Variants in FARP2 observed in about 807,000 individuals in gnomAD.
The protein encoded by FARP2 is FERM, ARHGEF and pleckstrin domain-containing protein 2.
FARP2 carries 111 observed loss-of-function variants against 130.5 expected under a neutral mutation model. The observed-to-expected ratio is 0.85, with a 90% CI of 0.73 to 1.00. FARP2 has a LOEUF of 1.00. Ranked by LOEUF, FARP2 falls within the 50% of genes least tolerant of loss-of-function variation. FARP2 has a pLI of 0.00. For missense variants in FARP2, 1,385 were observed against 1,346.3 expected, an observed-to-expected ratio of 1.03 and a Z score of -0.45; for synonymous variants, 504 against 516.9, an observed-to-expected ratio of 0.98 and a Z score of 0.34.
intron 19 of FARP2, among the ~76,000 whole-genome samples, chr2:241,476,550 A>G (rs2064470946): frequency 6.6e-6 from 1 of 152,110 alleles, no homozygotes; most frequent in Non-Finnish European, 1.5e-5. Context: ...TTAGCAGGGC[A>G]TGGTGGCACA....
At chr2:241,359,223 G>T (rs1194398140) in intron 1 of FARP2, among the ~76,000 whole-genome samples, 2 of 152,174 alleles carry the variant, frequency 1.3e-5, no homozygotes, top group Non-Finnish European at 2.9e-5. Flanking sequence ...TAAGAGTCAT[G>T]AATTGTTTTC....
intron 21 of FARP2, chr2:241,489,256 T>G (rs1195830794): frequency 2.6e-5 from 4 of 152,282 alleles, no homozygotes; most frequent in East Asian, 1.9e-4. Flanking sequence ...CGTTCCTGAC[T>G]GTTAAGGGAA....
At chr2:241,404,752 G>C in intron 3 of FARP2, 47 bp from the exon 4 acceptor site, 1 of 1,402,112 alleles carries the variant, frequency 7.1e-7, no homozygotes, top group Non-Finnish European at 1.0e-6. Flanking sequence ...TTGTTAAATA[G>C]AGACATTATT....
At chr2:241,425,517 A>G (rs1429047592) in intron 8 of FARP2, among the ~76,000 whole-genome samples, 1 of 151,824 alleles carries the variant, frequency 6.6e-6, no homozygotes, top group Non-Finnish European at 1.5e-5. Flanking sequence ...GCCTGGAACT[A>G]TTCCGTAGCA....
intron 21 of FARP2, among the ~76,000 whole-genome samples, chr2:241,485,607 C>G: frequency 6.8e-6 from 1 of 146,712 alleles, no homozygotes; most frequent in East Asian, 2.1e-4. Context: ...CCCTGTAGTC[C>G]TCTCTCCCTG....
intron 1 of FARP2, among the ~76,000 whole-genome samples, chr2:241,360,194 CAGAAT>C (rs1324948352): frequency 6.6e-6 from 1 of 152,094 alleles, no homozygotes; most frequent in Non-Finnish European, 1.5e-5. Context: ...TTGCCTGAAA[CAGAAT>C]AGAGCTCAAT....
chr2:241,439,521 G>C (rs1483729047), intron 12 of FARP2, among the ~76,000 whole-genome samples: 1 of 152,008 alleles, frequency 6.6e-6, no homozygotes, highest in African/African-American at 2.4e-5. Context: ...TGGAGAGACA[G>C]GGTTTCACCG....
intron 19 of FARP2, among the ~76,000 whole-genome samples, chr2:241,479,717 G>A (rs143928083): frequency 4.5e-4 from 67 of 150,246 alleles, no homozygotes; most frequent in African/African-American, 1.4e-3. Context: ...TGTTCAACCC[G>A]TTAGCGTGAG....
rs558112467 is a variant in FARP2, at chr2:241,483,317, CCATTGGGAGGCTCCACTAGAGGACCCT to C, written c.2263-137_2263-111del. On this transcript the variant is annotated intron_variant, in intron 19 of 26. Transcript: ENST00000264042. Reference sequence around the variant, plus strand: ...GGGCACTGCTGAGGGTAGAGGAGCCCCATTGGGAGGCTCCACTAGAGGACCCTCATTGGGAGGAGCCAGAGGAGCACA... The same window carrying C: ...GGGCACTGCTGAGGGTAGAGGAGCCCCATTGGGAGGAGCCAGAGGAGCACA... 76 of 677,480 alleles carry C rather than the reference CCATTGGGAGGCTCCACTAGAGGACCCT, an allele frequency of 1.1e-4. No homozygotes were observed. The African/African-American group carries it at 1.3e-3, about 11-fold the overall frequency. 42.0% of individuals were successfully genotyped at this position (677,480 alleles called of 1,614,324 possible).
At chr2:241,393,712 G>A (rs1348368972) in intron 2 of FARP2, among the ~76,000 whole-genome samples, 2 of 152,174 alleles carry the variant, frequency 1.3e-5, no homozygotes, top group East Asian at 3.8e-4. Context: ...TTCCCACAGA[G>A]CTTAAGACAA....
chr2:241,453,776 T>TG (rs2063755505), intron 13 of FARP2, among the ~76,000 whole-genome samples: 1 of 78,962 alleles, frequency 1.3e-5, no homozygotes, highest in African/African-American at 4.9e-5. Context: ...CTGGTTTTTT[T>TG]TTTTTTTTTT....
intron 1 of FARP2, among the ~76,000 whole-genome samples, chr2:241,361,658 A>G (rs1477872427): frequency 6.6e-6 from 1 of 152,178 alleles, no homozygotes; most frequent in African/African-American, 2.4e-5. Flanking sequence ...GTGAGGGCCC[A>G]GAAACCTGAG....
chr2:241,400,329 C>T (rs1365804357), intron 2 of FARP2, among the ~76,000 whole-genome samples: 2 of 152,150 alleles, frequency 1.3e-5, no homozygotes, highest in African/African-American at 2.4e-5. Context: ...GTGGACAGTC[C>T]GGGAATCTGG....
chr2:241,435,780 G>A (rs2063212005), intron 11 of FARP2, among the ~76,000 whole-genome samples: 1 of 151,316 alleles, frequency 6.6e-6, no homozygotes, highest in Admixed American at 6.6e-5. Flanking sequence ...CAAAGTGCTG[G>A]GATTACAGGT....
chr2:241,423,523 A>G (rs945911825), intron 8 of FARP2, among the ~76,000 whole-genome samples: 1 of 152,254 alleles, frequency 6.6e-6, no homozygotes, highest in Non-Finnish European at 1.5e-5. Context: ...AAATACATAG[A>G]CCAGTGACAC....
intron 13 of FARP2, among the ~76,000 whole-genome samples, chr2:241,448,550 A>C (rs1238211398): frequency 6.6e-6 from 1 of 152,248 alleles, no homozygotes; most frequent in Non-Finnish European, 1.5e-5. Context: ...TTTTGGACAC[A>C]ATGTATTAGA....
In FARP2 at chr2:241,491,014, T is replaced by C. The variant is rs768180226; in HGVS notation, c.2505-47T>C. ...CGCCCTCCCTTGAGGGCTGGGGCCC[T>C]ACACAAGGAAGAGCAGAGCCACTGA... On this transcript the variant is annotated intron_variant, in intron 22 of 26. Transcript: ENST00000264042. The C allele has an allele frequency of 2.7e-6, 4 of 1,464,174 alleles. No individual in the cohort carries two copies. In the East Asian group the frequency reaches 9.1e-5, roughly 33 times the overall value. 90.7% of individuals were successfully genotyped at this position (1,464,174 alleles called of 1,614,324 possible). A position where few individuals can be genotyped will look rare whatever the true frequency, so the allele number is the denominator to read the frequency against.
At chr2:241,387,949 C>T (rs1211264706) in intron 2 of FARP2, among the ~76,000 whole-genome samples, 1 of 151,906 alleles carries the variant, frequency 6.6e-6, no homozygotes, top group Non-Finnish European at 1.5e-5. Flanking sequence ...AGTTGAAAGA[C>T]AATGTTCATG....
intron 13 of FARP2, chr2:241,442,070 C>G (rs1231650756): frequency 5.4e-6 from 2 of 370,914 alleles, no homozygotes; most frequent in Non-Finnish European, 1.1e-5. Flanking sequence ...TCAGACACCT[C>G]GGAGCTATTT....
Sources: gnomAD v4.1 joint callset for allele counts (sites outside exome capture counted in the v4.1 genomes callset) on GRCh38, gnomAD v4.1.1 for gene constraint, MANE v1.5 for transcripts, NCBI Gene and HGNC (gene_info 2026-07-23, HGNC 2026-07-21) for gene names.